Variants in ATG10 observed in about 807,000 individuals in gnomAD.
ATG10 encodes the protein ubiquitin-like-conjugating enzyme ATG10.
A neutral mutation model predicts 32.1 loss-of-function variants in ATG10; 30 were observed. The observed-to-expected ratio is 0.94, with a 90% CI of 0.70 to 1.27. The LOEUF (loss-of-function observed/expected upper bound fraction) is 1.27. Among genes scored for constraint, ATG10 ranks in the 50% most tolerant of loss-of-function variants. The probability of loss-of-function intolerance (pLI) is 0.00; values close to 1 mark genes in which losing one functional copy is unlikely to be tolerated. For missense variants in ATG10, 233 were observed against 262.3 expected (o/e 0.89, Z 0.77); for synonymous variants, 87 against 91.5 (o/e 0.95, Z 0.28).
chr5:82,037,313 T>TAAG (rs1762960285), intron 2 of ATG10, among the ~76,000 whole-genome samples: 1 of 110,676 alleles, frequency 9.0e-6, no homozygotes, highest in Non-Finnish European at 1.7e-5. Flanking sequence ...AGTGGCGGGA[T>TAAG]CTCGGCTCAC....
At chr5:82,214,960 A>G (rs1253142726) in intron 5 of ATG10, among the ~76,000 whole-genome samples, 1 of 152,262 alleles carries the variant, frequency 6.6e-6, no homozygotes, top group East Asian at 1.9e-4. Flanking sequence ...TTTACTAAAT[A>G]GCATGGATGA....
chr5:82,190,405 T>A (rs985376474), intron 5 of ATG10, among the ~76,000 whole-genome samples: 3 of 151,976 alleles, frequency 2.0e-5, no homozygotes, highest in Admixed American at 6.6e-5. Flanking sequence ...TGCACCCTTT[T>A]ATTTTGAAAT....
Position 82,164,494 on chromosome 5 carries a change from T to C in ATG10, c.312T>C (p.Cys104=). The part of the protein sequence containing the change: ...IKYEYHVLYS[C]SYQVPVLYFR... The stretch of plus-strand genomic sequence containing the variant: ...ATGAGTATCATGTCTTATATTCCTG[T>C]AGCTACCAAGTGCCTGTACTTTACT... The change falls in exon 4 of 8, where the codon TGT becomes TGC. Residue 104 remains cysteine (C), a synonymous_variant. Transcript: ENST00000282185. 1.2e-6 allele frequency: 2 copies of C among 1,613,590 alleles called. No homozygotes were observed. Among genetic ancestry groups the C allele is most frequent in the Non-Finnish European group, 1.7e-6 (2 of 1,179,518 alleles).
At position 82,254,486 on chromosome 5, in the gene ATG10, G is replaced by C. The variant is rs984452827; in HGVS notation, c.*423G>C. 2 of 150,510 alleles carry C rather than the reference G, an allele frequency of 1.3e-5. No homozygotes were observed. The highest frequency in any genetic ancestry group is 1.3e-4 in the Admixed American group (2 of 15,106). The allele number at this position is 150,510 out of a possible 1,614,324, so 9.3% of individuals were successfully genotyped here. ...AGGTGGGAGGTTGGCTTTAACCCAG[G>C]AGGCAGAGGTTGCAGTGAGCTGAGA... On this transcript the variant is annotated 3_prime_UTR_variant, in exon 8 of 8. Transcript: ENST00000282185.
intron 2 of ATG10, among the ~76,000 whole-genome samples, chr5:82,026,480 A>C (rs182527281): frequency 3.9e-5 from 6 of 152,042 alleles, no homozygotes; most frequent in Admixed American, 3.9e-4. Context: ...TTATTATTTT[A>C]TAGTTTTGCT....
intron 3 of ATG10, among the ~76,000 whole-genome samples, chr5:82,065,357 C>T (rs1763909918): frequency 6.6e-6 from 1 of 151,904 alleles, no homozygotes; most frequent in African/African-American, 2.4e-5. Context: ...GGCGTGGTGG[C>T]AGGTGCCTGT....
chr5:82,034,752 C>A (rs1581620757), intron 2 of ATG10, among the ~76,000 whole-genome samples: 1 of 152,020 alleles, frequency 6.6e-6, no homozygotes, highest in Non-Finnish European at 1.5e-5. Flanking sequence ...TGTGTTCTTC[C>A]CCTAGATAGC....
intron 3 of ATG10, among the ~76,000 whole-genome samples, chr5:82,161,696 A>ACACACACACACACACAC (rs1743351306): frequency 1.5e-5 from 2 of 129,726 alleles, no homozygotes; most frequent in African/African-American, 6.1e-5. Flanking sequence ...TTAGAGAATA[A>ACACACACACACACACAC]ACACACACAC....
chr5:82,048,559 C>A (rs1581634834), intron 2 of ATG10, among the ~76,000 whole-genome samples: 1 of 152,036 alleles, frequency 6.6e-6, no homozygotes, highest in South Asian at 2.1e-4. Flanking sequence ...GGATCTAATT[C>A]AACTAAAGAG....
chr5:82,087,748 A>G (rs1215625140), intron 3 of ATG10, among the ~76,000 whole-genome samples: 1 of 152,098 alleles, frequency 6.6e-6, no homozygotes, highest in Non-Finnish European at 1.5e-5. Context: ...CTAACTTTAG[A>G]GTGGTACAGG....
chr5:82,178,023 A>G (rs774586300), intron 4 of ATG10, among the ~76,000 whole-genome samples: 1 of 152,084 alleles, frequency 6.6e-6, no homozygotes, highest in African/African-American at 2.4e-5. Flanking sequence ...TCTATTCTCC[A>G]TGGTACCTGA....
At chr5:82,139,828 C>T (rs1329828566) in intron 3 of ATG10, among the ~76,000 whole-genome samples, 52 of 141,886 alleles carry the variant, frequency 3.7e-4, no homozygotes, top group Admixed American at 2.3e-3. Flanking sequence ...CCACCCCATC[C>T]GGGAGGGAGA....
chr5:82,006,726 A>G (rs1761995997), intron 2 of ATG10, among the ~76,000 whole-genome samples: 1 of 152,222 alleles, frequency 6.6e-6, no homozygotes, highest in Non-Finnish European at 1.5e-5. Context: ...TGTTAAGTGC[A>G]TTCATATTGT....
At chr5:82,028,663 C>G (rs1762659662) in intron 2 of ATG10, among the ~76,000 whole-genome samples, 1 of 152,144 alleles carries the variant, frequency 6.6e-6, no homozygotes, top group African/African-American at 2.4e-5. Flanking sequence ...TGCACTGTTT[C>G]ATACTAAAGT....
At chr5:82,227,578 G>T (rs1435657353) in intron 5 of ATG10, among the ~76,000 whole-genome samples, 1 of 151,932 alleles carries the variant, frequency 6.6e-6, no homozygotes, top group Non-Finnish European at 1.5e-5. Flanking sequence ...TTTCACCAAG[G>T]TTGGCAAGGA....
intron 3 of ATG10, among the ~76,000 whole-genome samples, chr5:82,087,604 G>A (rs529559459): frequency 4.6e-5 from 7 of 152,084 alleles, no homozygotes; most frequent in African/African-American, 1.4e-4. Flanking sequence ...CTATGTGCTG[G>A]TGATATAGTG....
At position 82,071,306 on chromosome 5, in the gene ATG10, A is replaced by G. The variant is rs1299450472; in HGVS notation, c.216+12704A>G. On this transcript the variant is annotated intron_variant, in intron 3 of 7. Coordinates refer to ENST00000282185, the MANE Select transcript of ATG10 (RefSeq NM_031482.5). ...TTCCATTTTGACAGCAGGCATCCTGATAAGTCAGACTGACTTAAAAACACA... is the reference window on the plus strand; with the variant it reads ...TTCCATTTTGACAGCAGGCATCCTGGTAAGTCAGACTGACTTAAAAACACA... 3.3e-5 allele frequency among the ~76,000 whole-genome samples: 5 copies of G among 152,144 alleles called. No homozygotes were observed. In the South Asian group the frequency reaches 8.3e-4, roughly 25 times the overall value.
intron 5 of ATG10, among the ~76,000 whole-genome samples, chr5:82,204,327 G>A (rs1400103646): frequency 6.6e-6 from 1 of 152,162 alleles, no homozygotes; most frequent in Non-Finnish European, 1.5e-5. Flanking sequence ...GCAGACATGA[G>A]TGATATTCCC....
chr5:81,985,771 CT>C (rs943224064), intron 1 of ATG10, among the ~76,000 whole-genome samples: 2 of 152,074 alleles, frequency 1.3e-5, no homozygotes, highest in East Asian at 1.9e-4. Context: ...GTCTTTTTTA[CT>C]TTTTTTCTGA....
Sources: allele counts gnomAD v4.1 joint callset (sites outside exome capture counted in the v4.1 genomes callset), GRCh38; gene constraint gnomAD v4.1.1; transcripts MANE v1.5; gene names NCBI Gene and HGNC (gene_info 2026-07-23, HGNC 2026-07-21).